Variants in ALG14 observed in about 807,000 individuals in gnomAD.
The protein encoded by ALG14 is ALG14 UDP-N-acetylglucosaminyltransferase subunit.
A neutral mutation model predicts 22.8 loss-of-function variants in ALG14; 17 were observed. That is an observed-to-expected ratio of 0.75 (90% CI 0.51 to 1.12). The LOEUF (loss-of-function observed/expected upper bound fraction) is 1.12. ALG14 is among the 50% of genes most tolerant of loss of function. ALG14 has a pLI of 0.00. For synonymous variants in ALG14, 89 were observed against 103.7 expected (o/e 0.86, Z 0.86); for missense variants, 288 against 271.8 (o/e 1.06, Z -0.42).
In ALG14 at chr1:94,978,476, CATAA is replaced by C. The variant is rs1672437674; in HGVS notation, c.*4596_*4599del. 1 of 152,220 alleles carries C rather than the reference CATAA, an allele frequency of 6.6e-6. No individual in the cohort carries two copies. The highest frequency in any genetic ancestry group is 6.5e-5 in the Admixed American group (1 of 15,280). The allele number at this position is 152,220 out of a possible 1,614,324, so 9.4% of individuals were successfully genotyped here. On this transcript the variant is annotated 3_prime_UTR_variant, in exon 4 of 4. Coordinates refer to ENST00000370205, the MANE Select transcript of ALG14 (RefSeq NM_144988.4). ...ATGAGGTACAGTCCCTGAAGACAAA[CATAA>C]ATAATCAGCAATAGCATTCATTATT...
intron 2 of ALG14, among the ~76,000 whole-genome samples, chr1:95,027,992 G>T (rs1210614935): frequency 6.6e-6 from 1 of 152,128 alleles, no homozygotes; most frequent in African/African-American, 2.4e-5. Flanking sequence ...AATATATGGA[G>T]ATATATTAAC....
At chr1:94,991,171 A>G (rs1014866315) in intron 3 of ALG14, among the ~76,000 whole-genome samples, 1 of 152,252 alleles carries the variant, frequency 6.6e-6, no homozygotes, top group African/African-American at 2.4e-5. Context: ...TATTGTTCTG[A>G]GCATTAGGGA....
intron 2 of ALG14, among the ~76,000 whole-genome samples, chr1:95,064,291 G>A (rs1293960167): frequency 6.6e-6 from 1 of 152,062 alleles, no homozygotes; most frequent in South Asian, 2.1e-4. Context: ...TTTCCTGATT[G>A]CCCTGGCCAG....
rs929774325 is a variant in ALG14, at chr1:94,980,338, T to C, written c.*2738A>G. 12 of 152,176 alleles carry C rather than the reference T, an allele frequency of 7.9e-5. No individual in the cohort carries two copies. The highest frequency in any genetic ancestry group is 2.9e-4 in the African/African-American group (12 of 41,462). The allele number at this position is 152,176 out of a possible 1,614,324, so 9.4% of individuals were successfully genotyped here. A position where few individuals can be genotyped will look rare whatever the true frequency, so the allele number is the denominator to read the frequency against. ...GCATCCTTTTTGAAACAGTTAGACATTCTGACCTGGCAAGCTACTGAGACC... is the reference window on the plus strand; with the variant it reads ...GCATCCTTTTTGAAACAGTTAGACACTCTGACCTGGCAAGCTACTGAGACC... On this transcript the variant is annotated 3_prime_UTR_variant, in exon 4 of 4. Transcript: ENST00000370205.
intron 3 of ALG14, among the ~76,000 whole-genome samples, chr1:94,990,265 A>G (rs1672740427): frequency 6.6e-6 from 1 of 152,214 alleles, no homozygotes; most frequent in African/African-American, 2.4e-5. Context: ...GCTGAATGTC[A>G]GCGATCAGTG....
chr1:94,976,375 C>T lies in ALG14; in HGVS notation c.*6701G>A, dbSNP rs760622167. On this transcript the variant is annotated 3_prime_UTR_variant, in exon 4 of 4. Coordinates refer to ENST00000370205, the MANE Select transcript of ALG14 (RefSeq NM_144988.4). ...TCAAAACAAAACAAAAAACATCTAG[C>T]TGATTGTGGTTGGCAGAAGTCTCAG... 3.9e-5 allele frequency: 6 copies of T among 152,008 alleles called. No individual in the cohort carries two copies. Among genetic ancestry groups the T allele is most frequent in the African/African-American group, 1.4e-4 (6 of 41,388 alleles). The allele number at this position is 152,008 out of a possible 1,614,324, so 9.4% of individuals were successfully genotyped here. A position where few individuals can be genotyped will look rare whatever the true frequency, so the allele number is the denominator to read the frequency against.
intron 2 of ALG14, among the ~76,000 whole-genome samples, chr1:95,038,607 G>C (rs938281344): frequency 2.6e-5 from 4 of 151,772 alleles, no homozygotes; most frequent in Admixed American, 2.0e-4. Context: ...TTTAAATCTG[G>C]GAGGTGGAGG....
intron 3 of ALG14, among the ~76,000 whole-genome samples, chr1:95,003,206 A>G (rs529195396): frequency 6.6e-6 from 1 of 152,184 alleles, no homozygotes; most frequent in African/African-American, 2.4e-5. Flanking sequence ...TTTATTTTCA[A>G]TTGAAAGTGA....
rs66813692 is a variant in ALG14, at chr1:94,979,290, G to GAAAAAAAAAAAAAAAAAAAA, written c.*3766_*3785dup. ...CTGGGCGATGGAGCGAGACTGTCTCGAAAAAAAAAAAAAAAAAAAAAAAAG... is the reference window on the plus strand; with the variant it reads ...CTGGGCGATGGAGCGAGACTGTCTCGAAAAAAAAAAAAAAAAAAAAAAAAAAAAAAAAAAAAAAAAAAAAG... On this transcript the variant is annotated 3_prime_UTR_variant, in exon 4 of 4. Coordinates refer to ENST00000370205, the MANE Select transcript of ALG14 (RefSeq NM_144988.4). 3 of 76,448 alleles carry GAAAAAAAAAAAAAAAAAAAA rather than the reference G, an allele frequency of 3.9e-5. No individual in the cohort carries two copies. The highest frequency in any genetic ancestry group is 7.8e-5 in the Non-Finnish European group (3 of 38,646). 4.7% of individuals were successfully genotyped at this position (76,448 alleles called of 1,614,324 possible). A position where few individuals can be genotyped will look rare whatever the true frequency, so the allele number is the denominator to read the frequency against.
chr1:95,032,440 G>A (rs555476966), intron 2 of ALG14, among the ~76,000 whole-genome samples: 1 of 152,214 alleles, frequency 6.6e-6, no homozygotes, highest in South Asian at 2.1e-4. Flanking sequence ...AAAGCTAGAA[G>A]GCACCAAACC....
In ALG14 at chr1:94,976,313, T is replaced by C. The variant is rs1299048186; in HGVS notation, c.*6763A>G. The stretch of plus-strand genomic sequence containing the variant: ...AGAACTTGGATACTAAGGTAGGAGT[T>C]TGGTGGCCCAAGTGAAAGGTTATTA... On this transcript the variant is annotated 3_prime_UTR_variant, in exon 4 of 4. Transcript: ENST00000370205. 6.6e-6 allele frequency: 1 copy of C among 152,148 alleles called. No individual in the cohort carries two copies. The highest frequency in any genetic ancestry group is 1.5e-5 in the Non-Finnish European group (1 of 68,036). The allele number at this position is 152,148 out of a possible 1,614,324, so 9.4% of individuals were successfully genotyped here.
At position 94,981,228 on chromosome 1, in the gene ALG14, C is replaced by T. The variant is rs559461357; in HGVS notation, c.*1848G>A. On this transcript the variant is annotated 3_prime_UTR_variant, in exon 4 of 4. Transcript: ENST00000370205. ...CCTGGTTGTATGATACTAATACGCTCTGATACTCCAGGGAAGCAACCAGTG... is the reference window on the plus strand; with the variant it reads ...CCTGGTTGTATGATACTAATACGCTTTGATACTCCAGGGAAGCAACCAGTG... The T allele has an allele frequency of 1.3e-5, 2 of 152,256 alleles. No individual in the cohort carries two copies. Among genetic ancestry groups the T allele is most frequent in the South Asian group, 4.1e-4 (2 of 4,820 alleles). 9.4% of individuals were successfully genotyped at this position (152,256 alleles called of 1,614,324 possible). A position where few individuals can be genotyped will look rare whatever the true frequency, so the allele number is the denominator to read the frequency against.
At chr1:95,023,849 G>T (rs532404755) in intron 3 of ALG14, among the ~76,000 whole-genome samples, 28 of 151,804 alleles carry the variant, frequency 1.8e-4, no homozygotes, top group Non-Finnish European at 3.4e-4. Context: ...GTAGGGAGTG[G>T]GTGTCTTTGT....
intron 2 of ALG14, among the ~76,000 whole-genome samples, chr1:95,047,377 CTT>C (rs1336950771): frequency 3.3e-5 from 5 of 152,006 alleles, no homozygotes; most frequent in African/African-American, 1.2e-4. Flanking sequence ...GAGTTTCGCT[CTT>C]GTCACCCAGG....
chr1:95,060,028 T>C (rs550849923), intron 2 of ALG14, among the ~76,000 whole-genome samples: 1 of 69,158 alleles, frequency 1.4e-5, no homozygotes, highest in Non-Finnish European at 3.1e-5. Context: ...AAAAGATCAG[T>C]AGGGAAACCC....
At chr1:95,037,512 G>T (rs1040444393) in intron 2 of ALG14, among the ~76,000 whole-genome samples, 2 of 152,162 alleles carry the variant, frequency 1.3e-5, no homozygotes, top group Non-Finnish European at 1.5e-5. Context: ...GCTGCTGGAG[G>T]CAGCACTGTG....
intron 3 of ALG14, among the ~76,000 whole-genome samples, chr1:95,014,418 A>C (rs923093229): frequency 1.2e-4 from 18 of 152,178 alleles, no homozygotes; most frequent in Admixed American, 2.0e-4. Flanking sequence ...AAAAAATCAC[A>C]CTGATGCTTC....
chr1:95,017,322 CA>C (rs758626321), intron 3 of ALG14, among the ~76,000 whole-genome samples: 287 of 152,066 alleles, frequency 1.9e-3, no homozygotes, highest in Non-Finnish European at 2.1e-3. Flanking sequence ...CAGTCAACTG[CA>C]GGAAAAGCCT....
intron 2 of ALG14, among the ~76,000 whole-genome samples, chr1:95,044,052 T>C (rs1346143765): frequency 6.6e-6 from 1 of 152,144 alleles, no homozygotes; most frequent in East Asian, 1.9e-4. Flanking sequence ...CATCCCAGGG[T>C]TGGTGATGGC....
Sources: gnomAD v4.1 joint callset for allele counts (sites outside exome capture counted in the v4.1 genomes callset) on GRCh38, gnomAD v4.1.1 for gene constraint, MANE v1.5 for transcripts, NCBI Gene and HGNC (gene_info 2026-07-23, HGNC 2026-07-21) for gene names.